Variants in FAAH2 observed in about 807,000 individuals in gnomAD.
FAAH2 encodes fatty-acid amide hydrolase 2.
In FAAH2, 60 loss-of-function variants were observed where a neutral mutation model predicts 36.9. That is an observed-to-expected ratio of 1.63 (90% CI 1.32 to 2.02). The LOEUF is 2.02. Ranked by LOEUF, FAAH2 falls within the 30% of genes most tolerant of loss-of-function variation. The pLI, the probability that FAAH2 is intolerant of heterozygous loss-of-function variation, is 0.00. For synonymous variants in FAAH2, 214 were observed against 143.8 expected (o/e 1.49, Z -3.49); for missense variants, 689 against 397.5 (o/e 1.73, Z -6.23).
upstream of FAAH2, chrX:57,286,671 G>A (rs1041469185): frequency 8.1e-6 from 4 of 493,683 alleles, no homozygotes; most frequent in Middle Eastern, 6.9e-4. Context: ...GAGCCCTGCA[G>A]GTGATGATAA....
the FAAH2 span, among the ~76,000 whole-genome samples, chrX:57,268,848 C>T: frequency 1.8e-5 from 2 of 111,611 alleles, no homozygotes; most frequent in Non-Finnish European, 3.8e-5. Context: ...TGCAAAATAA[C>T]CAGCTAACAA....
At chrX:57,207,486 G>T in the FAAH2 span, among the ~76,000 whole-genome samples, 1 of 111,673 alleles carries the variant, frequency 9.0e-6, no homozygotes, top group African/African-American at 3.3e-5. Flanking sequence ...CAGGTAGGAC[G>T]TTTATCAGTA....
At chrX:57,271,510 G>C in the FAAH2 span, among the ~76,000 whole-genome samples, 1 of 112,102 alleles carries the variant, frequency 8.9e-6, no homozygotes, top group East Asian at 2.8e-4. Context: ...TCTCTTACAG[G>C]AGAGCTCTGG....
intron 7 of FAAH2, among the ~76,000 whole-genome samples, chrX:57,421,536 G>A (rs180811920): frequency 6.7e-4 from 75 of 111,628 alleles, no homozygotes; most frequent in East Asian, 4.8e-3. Flanking sequence ...CTTACAGATG[G>A]CCACCTTCTC....
At chrX:57,248,676 C>A in the FAAH2 span, among the ~76,000 whole-genome samples, 1 of 99,551 alleles carries the variant, frequency 1.0e-5, no homozygotes, top group Admixed American at 1.2e-4. Flanking sequence ...TCGCTTGAAC[C>A]CGGGAGGCGG....
intron 10 of FAAH2, 146 bp from the exon 11 acceptor site, chrX:57,488,607 CAGAT>C (rs2057516811): frequency 2.7e-5 from 14 of 513,174 alleles, no homozygotes; most frequent in Non-Finnish European, 3.0e-5. Context: ...ATATTTAATA[CAGAT>C]AAAGTTCCTA....
At chrX:57,416,500 C>T (rs1308382850) in intron 7 of FAAH2, among the ~76,000 whole-genome samples, 1 of 111,812 alleles carries the variant, frequency 8.9e-6, no homozygotes, top group African/African-American at 3.3e-5. Flanking sequence ...CTTTGTTTAG[C>T]TGGATGTGAA....
Position 57,341,495 on chromosome X carries a change from T to G in FAAH2, c.742+105T>G, listed in dbSNP as rs1602336430. The G allele has an allele frequency of 6.5e-6, 6 of 920,440 alleles. No individual in the cohort carries two copies. The East Asian group carries it at 2.0e-4, about 31-fold the overall frequency. 75.9% of individuals were successfully genotyped at this position (920,440 alleles called of 1,213,427 possible). On this transcript the variant is annotated intron_variant, in intron 5 of 10. Transcript: ENST00000374900. ...CTTGCTTATCAGGGTGATTATTATA[T>G]ATTTCTCAATGTTCTTAAATAAAAC...
chrX:57,232,356 C>G, the FAAH2 span, among the ~76,000 whole-genome samples: 3 of 111,841 alleles, frequency 2.7e-5, no homozygotes, highest in Admixed American at 9.5e-5. Context: ...GAGGCCCAGC[C>G]AAGTTCTCTA....
the FAAH2 span, among the ~76,000 whole-genome samples, chrX:57,125,850 C>A: frequency 3.6e-5 from 4 of 111,410 alleles, no homozygotes; most frequent in African/African-American, 6.5e-5. Context: ...GTAAATCATA[C>A]CTCAGTAGTG....
chrX:57,252,233 G>A, the FAAH2 span, among the ~76,000 whole-genome samples: 1 of 112,742 alleles, frequency 8.9e-6, no homozygotes, highest in Admixed American at 9.4e-5. Flanking sequence ...CAAAGCAACA[G>A]GGAAGCTCTA....
At chrX:57,228,132 G>A in the FAAH2 span, among the ~76,000 whole-genome samples, 3 of 111,954 alleles carry the variant, frequency 2.7e-5, no homozygotes, top group Admixed American at 9.4e-5. Flanking sequence ...AACTGGATTC[G>A]CGCCCTCCCC....
the FAAH2 span, among the ~76,000 whole-genome samples, chrX:57,219,874 T>G: frequency 9.9e-6 from 1 of 100,963 alleles, no homozygotes; most frequent in Admixed American, 1.1e-4. Flanking sequence ...TTTTTTTTTT[T>G]TTTTTTTTTT....
the FAAH2 span, among the ~76,000 whole-genome samples, chrX:57,149,002 A>T: frequency 8.9e-6 from 1 of 112,052 alleles, no homozygotes; most frequent in African/African-American, 3.2e-5. Flanking sequence ...CCTTTTCTGC[A>T]TCTATTGAGA....
At chrX:57,454,576 C>T (rs947740873) in intron 10 of FAAH2, among the ~76,000 whole-genome samples, 36 of 111,446 alleles carry the variant, frequency 3.2e-4, no homozygotes, top group Non-Finnish European at 5.7e-5. Context: ...AATTCAGTAG[C>T]TGAAAGATAA....
At chrX:57,411,840 T>A (rs1224392351) in intron 7 of FAAH2, among the ~76,000 whole-genome samples, 1 of 111,790 alleles carries the variant, frequency 8.9e-6, no homozygotes, top group Non-Finnish European at 1.9e-5. Flanking sequence ...ACTCTTGGAG[T>A]TTTTTGTTCC....
At chrX:57,205,686 A>C in the FAAH2 span, among the ~76,000 whole-genome samples, 1 of 112,360 alleles carries the variant, frequency 8.9e-6, no homozygotes, top group African/African-American at 3.2e-5. Context: ...ATCTGTAAAA[A>C]CATTCTCAGC....
the FAAH2 span, among the ~76,000 whole-genome samples, chrX:57,170,697 ATGTGTGTGTG>A: frequency 1.4e-4 from 14 of 100,108 alleles, no homozygotes; most frequent in Middle Eastern, 0.01. Flanking sequence ...TATTTACTTT[ATGTGTGTGTG>A]TGTGTGTGTG....
the FAAH2 span, among the ~76,000 whole-genome samples, chrX:57,210,380 G>A: frequency 8.9e-6 from 1 of 111,997 alleles, no homozygotes; most frequent in Non-Finnish European, 1.9e-5. Flanking sequence ...CTCAACAAAT[G>A]ATTAGCAAGT....
Sources: allele counts gnomAD v4.1 joint callset (sites outside exome capture counted in the v4.1 genomes callset), GRCh38; gene constraint gnomAD v4.1.1; transcripts MANE v1.5; gene names NCBI Gene and HGNC (gene_info 2026-07-23, HGNC 2026-07-21).